Variants in TTC28 observed in about 807,000 individuals in gnomAD.
The protein encoded by TTC28 is tetratricopeptide repeat protein 28.
In TTC28, 61 loss-of-function variants were observed where a neutral mutation model predicts 198.0. The observed-to-expected ratio is 0.31, with a 90% confidence interval of 0.25 to 0.38. The LOEUF (loss-of-function observed/expected upper bound fraction) is 0.38. Ranked by LOEUF, TTC28 falls within the 10% of genes least tolerant of loss-of-function variation. TTC28 has a pLI of 1.00. For missense variants in TTC28, 2,678 were observed against 3,164.0 expected (o/e 0.85, Z 3.69); for synonymous variants, 1,171 against 1,297.8 (o/e 0.90, Z 2.10).
intron 14 of TTC28, among the ~76,000 whole-genome samples, chr22:28,012,331 C>T (rs470104): frequency 2.0e-5 from 3 of 152,018 alleles, no homozygotes; most frequent in Admixed American, 6.6e-5. Context: ...CAACCGAGCA[C>T]GTGCAAGGAC....
At chr22:28,335,971 G>C (rs1268428233) in intron 2 of TTC28, among the ~76,000 whole-genome samples, 1 of 152,130 alleles carries the variant, frequency 6.6e-6, no homozygotes, top group Non-Finnish European at 1.5e-5. Context: ...TATTGGCTGT[G>C]GGTTTGTCAT....
intron 2 of TTC28, among the ~76,000 whole-genome samples, chr22:28,505,780 A>G (rs1022642085): frequency 6.6e-6 from 1 of 152,014 alleles, no homozygotes; most frequent in African/African-American, 2.4e-5. Context: ...AAGCAGTGTC[A>G]CTCTGCAGGC....
At chr22:28,209,092 A>G (rs1308955339) in intron 5 of TTC28, among the ~76,000 whole-genome samples, 3 of 152,176 alleles carry the variant, frequency 2.0e-5, no homozygotes, top group Non-Finnish European at 4.4e-5. Flanking sequence ...TTCATACTCT[A>G]TAGATCACCT....
chr22:28,026,966 G>A (rs1938859438), intron 13 of TTC28, among the ~76,000 whole-genome samples: 1 of 152,174 alleles, frequency 6.6e-6, no homozygotes, highest in African/African-American at 2.4e-5. Context: ...TAATACCAAC[G>A]CAGTCCCTGT....
chr22:28,497,759 G>GA (rs2146359383), intron 2 of TTC28, among the ~76,000 whole-genome samples: 1 of 152,190 alleles, frequency 6.6e-6, no homozygotes, highest in East Asian at 1.9e-4. Context: ...TGCTAAAACT[G>GA]AAAAATAAGT....
At chr22:28,629,957 G>T (rs2051146395) in intron 1 of TTC28, 127 bp from the exon 2 acceptor site, 3 of 819,052 alleles carry the variant, frequency 3.7e-6, no homozygotes, top group African/African-American at 1.7e-5. Context: ...TGGAGGTGGG[G>T]CCTAATGGGA....
chr22:28,156,298 A>C (rs1943747044), intron 6 of TTC28, among the ~76,000 whole-genome samples: 1 of 152,222 alleles, frequency 6.6e-6, no homozygotes, highest in Non-Finnish European at 1.5e-5. Context: ...TCAGAAGAGA[A>C]GGTGATGTGA....
At chr22:28,618,625 T>C (rs2050941008) in intron 2 of TTC28, among the ~76,000 whole-genome samples, 1 of 145,412 alleles carries the variant, frequency 6.9e-6, no homozygotes, top group Non-Finnish European at 1.5e-5. Context: ...CAGGTTGCAG[T>C]GAGCTGAGAT....
At position 28,522,323 on chromosome 22, in the gene TTC28, C is replaced by T. The variant is rs143176030; in HGVS notation, c.381+107229G>A. ...CCAACATGATGAAACCCTGTCTCTA[C>T]TAAAAATACGAAAAATTAGCTGGGC... On this transcript the variant is annotated intron_variant, in intron 2 of 22. Transcript: ENST00000397906. 4.7e-4 allele frequency among the ~76,000 whole-genome samples: 71 copies of T among 152,122 alleles called. 1 individual carries two copies. In the East Asian group the frequency reaches 0.011, roughly 23 times the overall value.
intron 2 of TTC28, among the ~76,000 whole-genome samples, chr22:28,505,308 G>A (rs2146378301): frequency 6.8e-6 from 1 of 147,020 alleles, no homozygotes. Context: ...TCTCTTGCAA[G>A]ATGGCCGATT....
At chr22:28,295,552 T>C (rs927224831) in intron 5 of TTC28, among the ~76,000 whole-genome samples, 1 of 152,158 alleles carries the variant, frequency 6.6e-6, no homozygotes. Flanking sequence ...AGTTAAGTTA[T>C]AACTACCCCC....
chr22:28,063,012 T>C (rs1940610876), intron 12 of TTC28, among the ~76,000 whole-genome samples: 1 of 152,248 alleles, frequency 6.6e-6, no homozygotes, highest in Admixed American at 6.5e-5. Flanking sequence ...GATTTTGTTA[T>C]ACTCTTCTGA....
chr22:28,566,968 G>A (rs1260077598), intron 2 of TTC28, among the ~76,000 whole-genome samples: 3 of 152,054 alleles, frequency 2.0e-5, no homozygotes, highest in Non-Finnish European at 2.9e-5. Context: ...TGTAACTCCA[G>A]CACTTTGGGA....
chr22:28,475,300 C>T (rs2048149164), intron 2 of TTC28, among the ~76,000 whole-genome samples: 1 of 152,116 alleles, frequency 6.6e-6, no homozygotes, highest in African/African-American at 2.4e-5. Flanking sequence ...CAGGAAACCA[C>T]CCTGGACAGG....
chr22:28,191,942 T>A (rs951549444), intron 5 of TTC28, among the ~76,000 whole-genome samples: 1 of 152,188 alleles, frequency 6.6e-6, no homozygotes, highest in African/African-American at 2.4e-5. Flanking sequence ...AAGAGAGTAG[T>A]GGTTCTCCCA....
intron 5 of TTC28, among the ~76,000 whole-genome samples, chr22:28,241,814 T>C (rs562820645): frequency 7.9e-5 from 12 of 152,252 alleles, no homozygotes; most frequent in African/African-American, 2.9e-4. Context: ...TATGACAATG[T>C]AACAAAGTGA....
chr22:28,463,775 G>C (rs1428852008), intron 2 of TTC28, among the ~76,000 whole-genome samples: 1 of 152,050 alleles, frequency 6.6e-6, no homozygotes, highest in Non-Finnish European at 1.5e-5. Context: ...GGTAGGGGGA[G>C]GGGGAGGGAT....
At chr22:28,645,741 A>T (rs2146250123) in intron 1 of TTC28, among the ~76,000 whole-genome samples, 1 of 152,234 alleles carries the variant, frequency 6.6e-6, no homozygotes, top group Non-Finnish European at 1.5e-5. Flanking sequence ...AAACAAAATT[A>T]AAAACAAAAA....
At chr22:28,599,929 A>T (rs2050610539) in intron 2 of TTC28, among the ~76,000 whole-genome samples, 1 of 152,172 alleles carries the variant, frequency 6.6e-6, no homozygotes, top group Non-Finnish European at 1.5e-5. Flanking sequence ...GTCCACAAAA[A>T]AATATGGGTC....
Sources: allele counts gnomAD v4.1 joint callset (sites outside exome capture counted in the v4.1 genomes callset), GRCh38; gene constraint gnomAD v4.1.1; transcripts MANE v1.5; gene names NCBI Gene and HGNC (gene_info 2026-07-23, HGNC 2026-07-21).